EQTN: variants seen among roughly 807,000 people sequenced by gnomAD.
EQTN encodes the protein Acrosome formation associated factor.
A neutral mutation model predicts 26.9 loss-of-function variants in EQTN; 29 were observed. The ratio of observed to expected loss-of-function variants is 1.08; its 90% CI spans 0.80 to 1.47. The LOEUF (loss-of-function observed/expected upper bound fraction) is 1.47. Among genes scored for constraint, EQTN ranks in the 40% most tolerant of loss-of-function variants. EQTN has a pLI of 0.00. For synonymous variants in EQTN, 129 were observed against 120.0 expected, an observed-to-expected ratio of 1.07 and a Z score of -0.49; for missense variants, 391 against 346.1, an observed-to-expected ratio of 1.13 and a Z score of -1.03.
At position 27,297,103 on chromosome 9, in the gene EQTN, G is replaced by T; in HGVS notation, c.-48C>A. ...CAGTAATCTAGTGCGTCTACCCAGA[G>T]CCTCCTTTCTGTGGCCCAGCAGGTC... On this transcript the variant is annotated 5_prime_UTR_variant, in exon 1 of 8. Transcript: ENST00000380032. 1 of 1,378,348 alleles carries T rather than the reference G, an allele frequency of 7.3e-7. No individual in the cohort carries two copies. The highest frequency in any genetic ancestry group is 1.0e-6 in the Non-Finnish European group (1 of 986,994). 85.4% of individuals were successfully genotyped at this position (1,378,348 alleles called of 1,614,324 possible).
chr9:27,289,420 G>A (rs887294942), intron 6 of EQTN, among the ~76,000 whole-genome samples: 21 of 152,178 alleles, frequency 1.4e-4, no homozygotes, highest in Admixed American at 1.0e-3. Flanking sequence ...GTATTTATGT[G>A]TCTATTAGTT....
rs554716546 is a variant in EQTN, at chr9:27,294,249, C to G, written c.289+67G>C. ...AGACTTCTTTTCTCCCCAACAGTCT[C>G]TTATTGCTGTTTTGAAATCCTGCTT... On this transcript the variant is annotated intron_variant, in intron 3 of 7. Coordinates refer to ENST00000380032, the MANE Select transcript of EQTN (RefSeq NM_020641.3). The G allele has an allele frequency of 1.9e-5, 21 of 1,113,574 alleles. No homozygotes were observed. The African/African-American group carries it at 2.8e-4, about 15-fold the overall frequency. 69.0% of individuals were successfully genotyped at this position (1,113,574 alleles called of 1,614,324 possible).
intron 3 of EQTN, 110 bp from the exon 4 acceptor site, chr9:27,292,597 G>C (rs1017026310): frequency 1.2e-5 from 7 of 588,352 alleles, no homozygotes; most frequent in Non-Finnish European, 2.0e-5. Context: ...AAGAAAAGGA[G>C]AGAGAAGAAA....
Position 27,284,735 on chromosome 9 carries a change from C to T in EQTN, c.873G>A (p.Ser291=), listed in dbSNP as rs1820080599. Residue 291 remains serine, a synonymous_variant, in exon 8 of 8, where the codon TCG becomes TCA. Transcript: ENST00000380032. ...SDNEMHENDE[S]VTR is the part of the protein sequence containing the mutation. ...TTCCTTGATTTCTTCACCGGGTAAC[C>T]GACTCATCGTTTTCATGCATCTCAT... The T allele has an allele frequency of 1.2e-6, 2 of 1,613,000 alleles. No homozygotes were observed. Among genetic ancestry groups the T allele is most frequent in the African/African-American group, 1.3e-5 (1 of 75,002 alleles).
chr9:27,288,811 A>T (rs546842559), intron 6 of EQTN, among the ~76,000 whole-genome samples: 1 of 152,202 alleles, frequency 6.6e-6, no homozygotes, highest in East Asian at 1.9e-4. Flanking sequence ...AGGCAAAACT[A>T]TAGCGATAGT....
chr9:27,289,239 C>T (rs1820179775), intron 6 of EQTN, among the ~76,000 whole-genome samples: 1 of 152,046 alleles, frequency 6.6e-6, no homozygotes, highest in Admixed American at 6.5e-5. Flanking sequence ...ATAAATGTTA[C>T]AAAACAGGAA....
chr9:27,291,118 A>C (rs769886583), intron 4 of EQTN, 55 bp from the exon 5 acceptor site: 4 of 1,490,326 alleles, frequency 2.7e-6, no homozygotes, highest in Non-Finnish European at 3.6e-6. Flanking sequence ...CAGGATAACA[A>C]AATAATTTAG....
chr9:27,290,269 T>G (rs1209517225), intron 5 of EQTN, among the ~76,000 whole-genome samples: 1 of 152,118 alleles, frequency 6.6e-6, no homozygotes, highest in East Asian at 1.9e-4. Context: ...GACACTTATT[T>G]ACAGAACGAG....
At chr9:27,290,874 G>T in intron 5 of EQTN, 145 bp downstream of exon 5, 1 of 517,824 alleles carries the variant, frequency 1.9e-6, no homozygotes. Context: ...ACCTTTCTAG[G>T]TTTGTTTTGA....
chr9:27,293,886 C>G (rs1302246213), intron 3 of EQTN, among the ~76,000 whole-genome samples: 1 of 152,138 alleles, frequency 6.6e-6, no homozygotes, highest in East Asian at 1.9e-4. Flanking sequence ...TCAATATTGA[C>G]ATTGCCATAG....
At chr9:27,291,747 A>G (rs953087739) in intron 4 of EQTN, among the ~76,000 whole-genome samples, 1 of 152,232 alleles carries the variant, frequency 6.6e-6, no homozygotes, top group Non-Finnish European at 1.5e-5. Flanking sequence ...TAAAAATGCA[A>G]ACTAATTCAG....
At position 27,294,528 on chromosome 9, in the gene EQTN, AT is replaced by A. The variant is rs3832607; in HGVS notation, c.203-127del. The A allele has an allele frequency of 6.2e-3, 2,672 of 431,234 alleles. 63 individuals carry two copies. The highest frequency in any genetic ancestry group is 0.043 in the African/African-American group (2,110 of 48,958). 26.7% of individuals were successfully genotyped at this position (431,234 alleles called of 1,614,324 possible). ...AAAAAAAATTAAAAAAGTTATAGTC[AT>A]TTTTTTTTCATCTACAAAATAAGAA... On this transcript the variant is annotated intron_variant, in intron 2 of 7. Transcript: ENST00000380032.
chr9:27,294,584 T>A, intron 2 of EQTN, 182 bp from the exon 3 acceptor site: 1 of 384,454 alleles, frequency 2.6e-6, no homozygotes, highest in Non-Finnish European at 4.6e-6. Flanking sequence ...CTAAAACTCA[T>A]TGAAAAAAGC....
rs1013065131 is a variant in EQTN at position 27,286,415 on chromosome 9, A to C, written c.482-53T>G. 6 of 1,521,140 alleles carry C rather than the reference A, an allele frequency of 3.9e-6. No homozygotes were observed. In the Middle Eastern group the frequency reaches 6.5e-4, roughly 164 times the overall value. The allele number at this position is 1,521,140 out of a possible 1,614,324, so 94.2% of individuals were successfully genotyped here. On this transcript the variant is annotated intron_variant, in intron 6 of 7. Coordinates refer to ENST00000380032, the MANE Select transcript of EQTN (RefSeq NM_020641.3). ...ATAGGGTGTTCAGTGTGTTCTCCTG[A>C]AGGAGTAAAGATTGCAAAGCAAATA...
chr9:27,292,841 T>C (rs1820265523), intron 3 of EQTN, among the ~76,000 whole-genome samples: 1 of 152,208 alleles, frequency 6.6e-6, no homozygotes, highest in Non-Finnish European at 1.5e-5. Context: ...TGATCCTCTT[T>C]GTCCAGAGCA....
In EQTN at chr9:27,294,410, CA is replaced by C; in HGVS notation, c.203-9del. The C allele has an allele frequency of 6.4e-7, 1 of 1,559,076 alleles. No individual in the cohort carries two copies. ...TTTGTGTTGTGAACACATCTAAAAA[CA>C]AAAGCGAAAGTCTTCAGCAACTAGC... On this transcript the variant is annotated splice_polypyrimidine_tract_variant and intron_variant, in intron 2 of 7. Transcript: ENST00000380032.
intron 5 of EQTN, 84 bp downstream of exon 5, chr9:27,290,935 A>T: frequency 8.7e-7 from 1 of 1,143,220 alleles, no homozygotes; most frequent in Non-Finnish European, 1.3e-6. Flanking sequence ...TCTCAGTATT[A>T]GAGGTATTTA....
chr9:27,292,387 A>T lies in EQTN; in HGVS notation c.376+14T>A. On this transcript the variant is annotated intron_variant, in intron 4 of 7. Coordinates refer to ENST00000380032, the MANE Select transcript of EQTN (RefSeq NM_020641.3). ...TATTCTCCAGGTATGAATACAGTGT[A>T]GTAATTTAAATACTTTGAATATTTT... The T allele has an allele frequency of 6.6e-7, 1 of 1,516,158 alleles. No homozygotes were observed. The highest frequency in any genetic ancestry group is 9.1e-7 in the Non-Finnish European group (1 of 1,097,156). 93.9% of individuals were successfully genotyped at this position (1,516,158 alleles called of 1,614,324 possible).
At position 27,291,018 on chromosome 9, in the gene EQTN, C is replaced by A. The variant is rs368643942; in HGVS notation, c.421+1G>T. The A allele has an allele frequency of 6.2e-7, 1 of 1,611,460 alleles. No homozygotes were observed. Among genetic ancestry groups the A allele is most frequent in the East Asian group, 2.2e-5 (1 of 44,830 alleles). On this transcript the variant is annotated splice_donor_variant, in intron 5 of 7. Coordinates refer to ENST00000380032, the MANE Select transcript of EQTN (RefSeq NM_020641.3). LOFTEE classifies it high-confidence loss of function. ...CAAGCTACCTAGCTGTATGACTTTA[C>A]CTTTAGCTAACATTGTCCAAAATGC...
Sources: gnomAD v4.1 joint callset for allele counts (sites outside exome capture counted in the v4.1 genomes callset) on GRCh38, gnomAD v4.1.1 for gene constraint, MANE v1.5 for transcripts, NCBI Gene and HGNC (gene_info 2026-07-23, HGNC 2026-07-21) for gene names.